Variants in GMDS observed in about 807,000 individuals in gnomAD.
The protein encoded by GMDS is GDP-mannose 4,6 dehydratase.
GMDS carries 20 observed loss-of-function variants against 49.9 expected under a neutral mutation model. That is an observed-to-expected ratio of 0.40 (90% CI 0.28 to 0.58). GMDS has a LOEUF of 0.58. Ranked by LOEUF, GMDS falls within the 20% of genes least tolerant of loss-of-function variation. The pLI is 0.42. For synonymous variants in GMDS, 177 were observed against 178.6 expected (o/e 0.99, Z 0.07); for missense variants, 362 against 481.4 (o/e 0.75, Z 2.32).
intron 1 of GMDS, among the ~76,000 whole-genome samples, chr6:2,238,880 A>G (rs973126988): frequency 1.3e-5 from 2 of 152,174 alleles, no homozygotes; most frequent in African/African-American, 4.8e-5. Context: ...AAGTCACTTC[A>G]TTCATTTGAT....
chr6:1,679,417 C>T (rs2814815), intron 9 of GMDS: 152,335 of 152,378 alleles, frequency 1, 76,146 homozygotes, highest in Middle Eastern at 1. Context: ...GGTCAGCTGA[C>T]GCAAGCGCTG....
intron 6 of GMDS, among the ~76,000 whole-genome samples, chr6:1,950,580 A>C (rs1003673405): frequency 2.6e-5 from 4 of 152,180 alleles, no homozygotes; most frequent in Non-Finnish European, 5.9e-5. Context: ...TTGAATCCGA[A>C]TGTTTTCTTT....
chr6:1,634,649 G>C (rs1763088723), intron 9 of GMDS, among the ~76,000 whole-genome samples: 2 of 152,146 alleles, frequency 1.3e-5, no homozygotes, highest in South Asian at 4.1e-4. Flanking sequence ...GCTTTGCTTA[G>C]AGCCACAGTG....
chr6:1,736,374 A>G (rs1192784574), intron 8 of GMDS, among the ~76,000 whole-genome samples: 1 of 152,234 alleles, frequency 6.6e-6, no homozygotes, highest in Admixed American at 6.5e-5. Context: ...AGAAGACCTC[A>G]TTTAAATGGT....
intron 4 of GMDS, among the ~76,000 whole-genome samples, chr6:2,070,037 G>T (rs577579181): frequency 1.3e-5 from 2 of 151,328 alleles, no homozygotes; most frequent in South Asian, 4.2e-4. Flanking sequence ...AACAATGATA[G>T]ACTGGATTAA....
chr6:2,037,111 T>G (rs752639108), intron 4 of GMDS, among the ~76,000 whole-genome samples: 5 of 152,170 alleles, frequency 3.3e-5, no homozygotes, highest in Non-Finnish European at 5.9e-5. Context: ...AAGAAATGGT[T>G]CAGTCAGGCA....
chr6:2,201,133 G>C lies in GMDS; in HGVS notation c.102+44188C>G, dbSNP rs546112592. 3.5e-5 allele frequency among the ~76,000 whole-genome samples: 5 copies of C among 141,068 alleles called. No homozygotes were observed. The South Asian group carries it at 7.5e-4, about 21-fold the overall frequency. The allele number at this position is 141,068 out of a possible 152,430, so 92.5% of individuals were successfully genotyped here. On this transcript the variant is annotated intron_variant, in intron 1 of 10. Coordinates refer to ENST00000380815, the MANE Select transcript of GMDS (RefSeq NM_001500.4). ...GAAAGATGAAGAGAGAGCACCACATGAGCATCCGAGATGAAACCATCTAGG... is the reference window on the plus strand; with the variant it reads ...GAAAGATGAAGAGAGAGCACCACATCAGCATCCGAGATGAAACCATCTAGG...
chr6:1,930,923 T>A (rs1400912170), intron 6 of GMDS: 1 of 152,236 alleles, frequency 6.6e-6, no homozygotes, highest in Non-Finnish European at 1.5e-5. Flanking sequence ...AAAGGGCTCC[T>A]AAATTTTGTG....
chr6:2,161,620 C>T (rs577486109), intron 1 of GMDS, among the ~76,000 whole-genome samples: 3 of 152,198 alleles, frequency 2.0e-5, no homozygotes, highest in Non-Finnish European at 4.4e-5. Flanking sequence ...CTATAAAGTG[C>T]TGACCCAGAG....
At chr6:2,105,303 C>T (rs991590462) in intron 4 of GMDS, among the ~76,000 whole-genome samples, 1 of 151,154 alleles carries the variant, frequency 6.6e-6, no homozygotes, top group Non-Finnish European at 1.5e-5. Flanking sequence ...ATGTAAACAA[C>T]CAATAACTCA....
intron 7 of GMDS, among the ~76,000 whole-genome samples, chr6:1,779,285 C>T (rs1353542365): frequency 6.6e-6 from 1 of 152,150 alleles, no homozygotes. Flanking sequence ...AGCCCAGTCC[C>T]ACTAACACAG....
At chr6:1,801,689 G>A (rs964337138) in intron 7 of GMDS, among the ~76,000 whole-genome samples, 22 of 152,226 alleles carry the variant, frequency 1.4e-4, no homozygotes, top group Admixed American at 9.8e-4. Context: ...TGGCTCTGGC[G>A]GGCAGCCCCG....
At chr6:1,904,404 A>G (rs1396339011) in intron 7 of GMDS, among the ~76,000 whole-genome samples, 1 of 152,160 alleles carries the variant, frequency 6.6e-6, no homozygotes, top group Non-Finnish European at 1.5e-5. Context: ...AAAGGCCAGG[A>G]GGACTGCCCC....
intron 4 of GMDS, among the ~76,000 whole-genome samples, chr6:1,996,981 A>G (rs1360598945): frequency 6.6e-6 from 1 of 151,980 alleles, no homozygotes; most frequent in African/African-American, 2.4e-5. Context: ...TTTTCCAAGT[A>G]AGTCTTCTGA....
Position 2,135,295 on chromosome 6 carries a change from C to T in GMDS, c.103-10564G>A, listed in dbSNP as rs116503682. 5.7e-3 allele frequency among the ~76,000 whole-genome samples: 863 copies of T among 152,106 alleles called. 2 individuals are homozygous for T. The highest frequency in any genetic ancestry group is 0.017 in the Middle Eastern group (5 of 294). On this transcript the variant is annotated intron_variant, in intron 1 of 10. Transcript: ENST00000380815. ...TCAAAAGCCATTGCTTAAACTAATC[C>T]CCCCTTTAAGTATACTAAACAACGT...
intron 6 of GMDS, among the ~76,000 whole-genome samples, chr6:1,956,587 T>C (rs1017885998): frequency 1.3e-4 from 19 of 151,874 alleles, no homozygotes; most frequent in African/African-American, 2.7e-4. Flanking sequence ...TAGGACTAGA[T>C]TGAGGTTTAC....
intron 4 of GMDS, among the ~76,000 whole-genome samples, chr6:2,053,276 T>C (rs1439051609): frequency 2.0e-5 from 3 of 152,124 alleles, no homozygotes; most frequent in South Asian, 2.1e-4. Context: ...AACCATTCTA[T>C]AATCCTTAAA....
intron 1 of GMDS, among the ~76,000 whole-genome samples, chr6:2,182,698 A>G (rs1235889425): frequency 6.6e-6 from 1 of 152,204 alleles, no homozygotes; most frequent in Non-Finnish European, 1.5e-5. Flanking sequence ...ATTGAGACCT[A>G]TTGCTCAAAA....
chr6:1,932,215 A>ACAAT (rs1237525392), intron 6 of GMDS, among the ~76,000 whole-genome samples: 1 of 152,136 alleles, frequency 6.6e-6, no homozygotes, highest in Non-Finnish European at 1.5e-5. Flanking sequence ...AACTCTTACC[A>ACAAT]CAACCTTATG....
Sources: allele counts gnomAD v4.1 joint callset (sites outside exome capture counted in the v4.1 genomes callset), GRCh38; gene constraint gnomAD v4.1.1; transcripts MANE v1.5; gene names NCBI Gene and HGNC (gene_info 2026-07-23, HGNC 2026-07-21).